The following NTRK2 variants were observed in gnomAD, a reference collection of about 807,000 sequenced individuals.
NTRK2 encodes the protein neurotrophic receptor tyrosine kinase 2.
NTRK2 carries 13 observed loss-of-function variants against 94.5 expected under a neutral mutation model. The ratio of observed to expected loss-of-function variants is 0.14; its 90% CI spans 0.09 to 0.22. The LOEUF is 0.22. Among genes scored for constraint, NTRK2 ranks in the 10% least tolerant of loss-of-function variants. The pLI is 1.00. For missense variants in NTRK2, 639 were observed against 1,071.2 expected (o/e 0.60, Z 5.63); for synonymous variants, 372 against 407.4 (o/e 0.91, Z 1.05).
intron 15 of NTRK2, among the ~76,000 whole-genome samples, chr9:84,937,525 G>A (rs1210103311): frequency 6.6e-6 from 1 of 152,186 alleles, no homozygotes; most frequent in Non-Finnish European, 1.5e-5. Context: ...CACAACACTT[G>A]AGGGCACACA....
chr9:84,934,748 T>C (rs2078157999), intron 15 of NTRK2, among the ~76,000 whole-genome samples: 1 of 152,158 alleles, frequency 6.6e-6, no homozygotes, highest in Non-Finnish European at 1.5e-5. Context: ...CTCAATTCTC[T>C]ACCCTGACCC....
intron 14 of NTRK2, among the ~76,000 whole-genome samples, chr9:84,907,672 A>T (rs1350819391): frequency 1.3e-5 from 2 of 148,746 alleles, no homozygotes; most frequent in East Asian, 4.0e-4. Context: ...GCCTCTTCGG[A>T]GGCATTACTC....
chr9:84,812,992 C>T (rs201004673), intron 12 of NTRK2: 1 of 1,035,078 alleles, frequency 9.7e-7, no homozygotes, highest in Non-Finnish European at 1.2e-6. Flanking sequence ...AGTAACATAG[C>T]TTCTCTTTTC....
chr9:84,877,671 T>C, intron 14 of NTRK2: 1 of 1,063,616 alleles, frequency 9.4e-7, no homozygotes, highest in African/African-American at 1.6e-5. Context: ...TTTATTTCCC[T>C]CTCCCACATT....
chr9:84,672,842 A>G (rs1362721305), intron 2 of NTRK2, among the ~76,000 whole-genome samples: 1 of 152,196 alleles, frequency 6.6e-6, no homozygotes, highest in Non-Finnish European at 1.5e-5. Flanking sequence ...CTGTCCTCAC[A>G]ATTGTTGTTG....
At chr9:84,875,545 G>C in intron 14 of NTRK2, 1 of 1,063,390 alleles carries the variant, frequency 9.4e-7, no homozygotes, top group African/African-American at 1.6e-5. Context: ...CTTCACCCTA[G>C]CTAGCTCCTT....
intron 12 of NTRK2, chr9:84,811,568 C>T (rs200058213): frequency 6.6e-6 from 7 of 1,065,076 alleles, no homozygotes; most frequent in Non-Finnish European, 8.0e-6. Context: ...TCTGAAAAGG[C>T]CTGGGAGCAG....
intron 14 of NTRK2, among the ~76,000 whole-genome samples, chr9:84,921,731 G>A (rs2077573324): frequency 6.6e-6 from 1 of 152,186 alleles, no homozygotes; most frequent in South Asian, 2.1e-4. Context: ...CCCAATTCTT[G>A]GGAGGAGATA....
At chr9:84,892,016 C>T (rs1338351982) in intron 14 of NTRK2, among the ~76,000 whole-genome samples, 1 of 151,914 alleles carries the variant, frequency 6.6e-6, no homozygotes, top group Non-Finnish European at 1.5e-5. Flanking sequence ...GTAACCCAGT[C>T]TGATTTATTT....
At chr9:84,864,739 T>A (rs887983689) in intron 13 of NTRK2, among the ~76,000 whole-genome samples, 1 of 131,064 alleles carries the variant, frequency 7.6e-6, no homozygotes, top group Non-Finnish European at 1.6e-5. Flanking sequence ...TAATTTTCTT[T>A]TTTTTTTTTT....
In NTRK2 at chr9:84,761,521, C is replaced by T. The variant is rs889244392; in HGVS notation, c.1396+9436C>T. ...GGACAGAGAATCATCTGAGCCTCCC[C>T]TCCAGCTTTAATATCTACCACCTTG... On this transcript the variant is annotated intron_variant, in intron 12 of 18. Transcript: ENST00000277120. Among the ~76,000 whole-genome samples the T allele has an allele frequency of 5.3e-5, 8 of 152,162 alleles. 1 individual carries two copies. Among genetic ancestry groups the T allele is most frequent in the Non-Finnish European group, 1.2e-4 (8 of 68,026 alleles).
intron 2 of NTRK2, among the ~76,000 whole-genome samples, chr9:84,680,831 TA>T (rs1454244966): frequency 6.6e-6 from 1 of 152,200 alleles, no homozygotes; most frequent in Non-Finnish European, 1.5e-5. Flanking sequence ...TCATGGGCCA[TA>T]TTGCTCTGTC....
intron 6 of NTRK2, among the ~76,000 whole-genome samples, chr9:84,718,004 C>T (rs2061812667): frequency 6.6e-6 from 1 of 151,596 alleles, no homozygotes; most frequent in African/African-American, 2.4e-5. Context: ...TCTCCTTCTC[C>T]TTCTCCTTCT....
intron 12 of NTRK2, among the ~76,000 whole-genome samples, chr9:84,753,162 C>T (rs572088168): frequency 6.6e-6 from 1 of 152,166 alleles, no homozygotes; most frequent in African/African-American, 2.4e-5. Context: ...TAAATTGGGG[C>T]TTAAAATAAC....
At chr9:84,939,241 T>C (rs1038535788) in intron 15 of NTRK2, among the ~76,000 whole-genome samples, 1 of 152,112 alleles carries the variant, frequency 6.6e-6, no homozygotes, top group Non-Finnish European at 1.5e-5. Context: ...ATTGAATCAC[T>C]ATATAGATAT....
chr9:84,801,228 T>C (rs1372960925), intron 12 of NTRK2, among the ~76,000 whole-genome samples: 1 of 152,150 alleles, frequency 6.6e-6, no homozygotes, highest in Non-Finnish European at 1.5e-5. Flanking sequence ...ATCACATAGC[T>C]CAGGAGGGAA....
chr9:84,683,805 C>T (rs1041256530), intron 2 of NTRK2, among the ~76,000 whole-genome samples: 4 of 152,158 alleles, frequency 2.6e-5, no homozygotes, highest in African/African-American at 4.8e-5. Flanking sequence ...CACTCGCACC[C>T]ACAGTGTAAA....
intron 9 of NTRK2, among the ~76,000 whole-genome samples, chr9:84,733,532 A>T (rs1327887486): frequency 2.0e-5 from 3 of 152,304 alleles, no homozygotes; most frequent in Admixed American, 6.5e-5. Flanking sequence ...CCTCTTAGGA[A>T]GGTGGCAGGG....
chr9:84,958,997 C>T (rs189431334), intron 17 of NTRK2, among the ~76,000 whole-genome samples: 16 of 152,276 alleles, frequency 1.1e-4, no homozygotes, highest in Non-Finnish European at 2.1e-4. Context: ...AGTCATCCAC[C>T]TATTGGGTCA....
Sources: gnomAD v4.1 joint callset for allele counts (sites outside exome capture counted in the v4.1 genomes callset) on GRCh38, gnomAD v4.1.1 for gene constraint, MANE v1.5 for transcripts, NCBI Gene and HGNC (gene_info 2026-07-23, HGNC 2026-07-21) for gene names.